Variants in CNTN3 observed in about 807,000 individuals in gnomAD.
CNTN3 encodes the protein contactin-3.
In CNTN3, 60 loss-of-function variants were observed where a neutral mutation model predicts 119.1. The ratio of observed to expected loss-of-function variants is 0.50; its 90% CI spans 0.41 to 0.62. CNTN3 has a LOEUF of 0.62. Ranked by LOEUF, CNTN3 falls within the 20% of genes least tolerant of loss-of-function variation. The probability of loss-of-function intolerance (pLI) is 0.00; values close to 1 mark genes in which losing one functional copy is unlikely to be tolerated. For missense variants in CNTN3, 1,101 were observed against 1,242.4 expected (o/e 0.89, Z 1.71); for synonymous variants, 450 against 438.7 (o/e 1.03, Z -0.32).
intron 5 of CNTN3, among the ~76,000 whole-genome samples, chr3:74,373,915 G>C (rs919518045): frequency 3.9e-5 from 6 of 152,114 alleles, no homozygotes; most frequent in African/African-American, 1.4e-4. Context: ...GGTGCAGACT[G>C]GTGCAGACAT....
chr3:74,465,468 T>C (rs1311460112), intron 4 of CNTN3, among the ~76,000 whole-genome samples: 1 of 152,204 alleles, frequency 6.6e-6, no homozygotes, highest in Non-Finnish European at 1.5e-5. Context: ...AGGATCCAAC[T>C]ACAGCCTTCA....
intron 11 of CNTN3, 104 bp downstream of exon 11, chr3:74,361,786 T>C: frequency 8.5e-7 from 1 of 1,172,804 alleles, no homozygotes. Flanking sequence ...TCTCACATGC[T>C]ACTGAAATGC....
chr3:74,483,828 C>T (rs1253286392), intron 4 of CNTN3, among the ~76,000 whole-genome samples: 1 of 152,010 alleles, frequency 6.6e-6, no homozygotes, highest in African/African-American at 2.4e-5. Context: ...GATTAAAATC[C>T]CATCCCTCAT....
At chr3:74,367,035 T>TA (rs1704212544) in intron 8 of CNTN3, among the ~76,000 whole-genome samples, 1 of 150,788 alleles carries the variant, frequency 6.6e-6, no homozygotes, top group Non-Finnish European at 1.5e-5. Context: ...TTCGCTGGAC[T>TA]AAAAAATCCT....
chr3:74,405,781 T>A (rs78899238), intron 5 of CNTN3, among the ~76,000 whole-genome samples: 2,137 of 152,194 alleles, frequency 0.014, 52 homozygotes, highest in African/African-American at 0.045. Context: ...GTTTTTATAA[T>A]GACTATGGCT....
intron 4 of CNTN3, among the ~76,000 whole-genome samples, chr3:74,444,650 T>G (rs543285570): frequency 1.3e-5 from 2 of 152,290 alleles, no homozygotes; most frequent in Non-Finnish European, 2.9e-5. Flanking sequence ...ACTGGTACTT[T>G]AAACTAAATG....
rs1701659706 is a variant in CNTN3, at chr3:74,266,367, T to C, written c.2986+114A>G. ...TCACCTGCCAAAACCTTACCGGCAT[T>C]TGGATGTAAGCCTTGCTGGAAAGAA... On this transcript the variant is annotated intron_variant, in intron 22 of 22. Coordinates refer to ENST00000263665, the MANE Select transcript of CNTN3 (RefSeq NM_020872.3). The C allele has an allele frequency of 2.7e-6, 3 of 1,111,120 alleles. No individual in the cohort carries two copies. In the East Asian group the frequency reaches 7.2e-5, roughly 26 times the overall value. 68.8% of individuals were successfully genotyped at this position (1,111,120 alleles called of 1,614,324 possible).
intron 1 of CNTN3, among the ~76,000 whole-genome samples, chr3:74,585,974 T>C (rs1704586399): frequency 6.6e-6 from 1 of 152,134 alleles, no homozygotes; most frequent in South Asian, 2.1e-4. Flanking sequence ...CTTGTTAAAA[T>C]TACCATGTAT....
intron 4 of CNTN3, among the ~76,000 whole-genome samples, chr3:74,442,992 G>T (rs1039702925): frequency 2.0e-5 from 3 of 152,146 alleles, no homozygotes; most frequent in African/African-American, 7.2e-5. Context: ...CTCCAATGAA[G>T]AAGTTACAAA....
At chr3:74,595,457 A>G (rs1704788931) in intron 1 of CNTN3, among the ~76,000 whole-genome samples, 1 of 152,062 alleles carries the variant, frequency 6.6e-6, no homozygotes, top group Admixed American at 6.6e-5. Flanking sequence ...ATCCATCTTG[A>G]ATTAATTTTT....
intron 17 of CNTN3, among the ~76,000 whole-genome samples, chr3:74,299,429 C>T (rs1702409012): frequency 6.6e-6 from 1 of 152,082 alleles, no homozygotes; most frequent in Non-Finnish European, 1.5e-5. Flanking sequence ...TAGGTGACTT[C>T]ACCAGTGGGG....
rs1704649813 is a variant in CNTN3 at position 74,589,014 on chromosome 3, C to T, written c.-81+25377G>A. 2.0e-5 allele frequency among the ~76,000 whole-genome samples: 3 copies of T among 151,854 alleles called. No individual in the cohort carries two copies. The South Asian group carries it at 6.3e-4, about 32-fold the overall frequency. On this transcript the variant is annotated intron_variant, in intron 1 of 22. Coordinates refer to ENST00000263665, the MANE Select transcript of CNTN3 (RefSeq NM_020872.3). ...AAACCATAAAAACCCTAGAAGAAAA[C>T]CTAGGCATTACCATTCAGGACATAG...
intron 4 of CNTN3, among the ~76,000 whole-genome samples, chr3:74,451,830 T>C (rs1324568759): frequency 5.3e-5 from 8 of 150,070 alleles, no homozygotes; most frequent in South Asian, 4.2e-4. Flanking sequence ...GTTGTAGATA[T>C]GCGGCATTAT....
intron 2 of CNTN3, among the ~76,000 whole-genome samples, chr3:74,502,174 A>T (rs186572232): frequency 6.6e-6 from 1 of 152,272 alleles, no homozygotes; most frequent in African/African-American, 2.4e-5. Flanking sequence ...ACAGCTTGAA[A>T]GCAATAATGC....
At chr3:74,457,914 C>T (rs983512160) in intron 4 of CNTN3, among the ~76,000 whole-genome samples, 1 of 152,032 alleles carries the variant, frequency 6.6e-6, no homozygotes, top group African/African-American at 2.4e-5. Context: ...TAGCACCACC[C>T]ACACCCACAT....
chr3:74,500,796 TAGC>T (rs1703153977), intron 2 of CNTN3, among the ~76,000 whole-genome samples: 1 of 152,022 alleles, frequency 6.6e-6, no homozygotes, highest in Non-Finnish European at 1.5e-5. Context: ...ATGATAAAAA[TAGC>T]AGCTGCTAAA....
intron 1 of CNTN3, among the ~76,000 whole-genome samples, chr3:74,581,265 C>T (rs1034337523): frequency 6.6e-6 from 1 of 152,080 alleles, no homozygotes; most frequent in Non-Finnish European, 1.5e-5. Context: ...TTGAATGATA[C>T]TGTGAATTAA....
At chr3:74,409,838 C>A (rs747476896) in intron 5 of CNTN3, among the ~76,000 whole-genome samples, 1 of 152,070 alleles carries the variant, frequency 6.6e-6, no homozygotes, top group Admixed American at 6.6e-5. Context: ...TTTTACTTCC[C>A]GGAAAATGCC....
intron 5 of CNTN3, among the ~76,000 whole-genome samples, chr3:74,389,695 C>T (rs750171821): frequency 4.9e-4 from 74 of 152,152 alleles, no homozygotes; most frequent in African/African-American, 1.7e-3. Flanking sequence ...AGATCTCAGG[C>T]ATAATAAGTG....
Sources: gnomAD v4.1 joint callset for allele counts (sites outside exome capture counted in the v4.1 genomes callset) on GRCh38, gnomAD v4.1.1 for gene constraint, MANE v1.5 for transcripts, NCBI Gene and HGNC (gene_info 2026-07-23, HGNC 2026-07-21) for gene names.